Variants in OSBPL7 observed in about 807,000 individuals in gnomAD.
The protein encoded by OSBPL7 is oxysterol binding protein like 7.
OSBPL7 carries 66 observed loss-of-function variants against 115.8 expected under a neutral mutation model. The observed-to-expected ratio is 0.57, with a 90% confidence interval of 0.47 to 0.70. The LOEUF is 0.70. OSBPL7 is among the 30% of genes least tolerant of loss of function. OSBPL7 has a pLI of 0.00. For synonymous variants in OSBPL7, 441 were observed against 439.2 expected (o/e 1.00, Z -0.05); for missense variants, 902 against 1,125.5 (o/e 0.80, Z 2.84).
intron 16 of OSBPL7, 138 bp downstream of exon 16, chr17:47,813,128 C>CCGCAGAGCCCGG (rs1323034925): frequency 2.5e-6 from 3 of 1,202,854 alleles, no homozygotes; most frequent in African/African-American, 3.1e-5. Flanking sequence ...GCCAGGAGCA[C>CCGCAGAGCCCGG]CGCAGAGCCC....
rs201307628 is a variant in OSBPL7 at position 47,818,525 on chromosome 17, G to A, written c.461C>T (p.Pro154Leu). 80 of 1,608,108 alleles carry A rather than the reference G, an allele frequency of 5.0e-5. No individual in the cohort carries two copies. The African/African-American group carries it at 6.7e-4, about 13-fold the overall frequency. The change falls in exon 6 of 23, where the codon CCC becomes CTC. Residue 154 changes from proline (P) to leucine (L), a missense_variant. Coordinates refer to ENST00000007414, the MANE Select transcript of OSBPL7 (RefSeq NM_145798.3). ...HRLDMPRGSLPSTAHRKVPGA... is the reference protein window; with the variant it reads ...HRLDMPRGSLLSTAHRKVPGA... ...CCTTACCTTCCGGTGAGCAGTACTG[G>A]GCAGTGAGCCACGGGGCATGTCCAG...
At chr17:47,815,454 C>A in intron 12 of OSBPL7, 102 bp from the exon 13 acceptor site, 1 of 1,508,528 alleles carries the variant, frequency 6.6e-7, no homozygotes, top group South Asian at 1.2e-5. Context: ...GAGGCATAAC[C>A]GGGCACTTTT....
At chr17:47,819,911 T>TGG in intron 3 of OSBPL7, 60 bp downstream of exon 3, 1 of 1,557,720 alleles carries the variant, frequency 6.4e-7, no homozygotes, top group Non-Finnish European at 8.8e-7. Flanking sequence ...GCCCAGCAGC[T>TGG]GCCCCCCATT....
At chr17:47,818,687 G>T in intron 5 of OSBPL7, 71 bp from the exon 6 acceptor site, 1 of 1,287,762 alleles carries the variant, frequency 7.8e-7, no homozygotes, top group Non-Finnish European at 1.1e-6. Context: ...AGAAGTCAGG[G>T]CTCTGGTCCC....
Position 47,808,351 on chromosome 17 carries a change from G to C in OSBPL7, c.2469C>G (p.Thr823=), listed in dbSNP as rs771989351. The C allele has an allele frequency of 2.5e-6, 4 of 1,613,894 alleles. No homozygotes were observed. Among genetic ancestry groups the C allele is most frequent in the Non-Finnish European group, 3.4e-6 (4 of 1,179,980 alleles). The stretch of plus-strand genomic sequence containing the variant: ...CTGGCTCGGCCCGCAGCCTCCAGTA[G>C]GTATTGTTGGTCACCCACCACTCTT... ...SGKEWWVTNN[T]YWRLRAEPGY... The change falls in exon 23 of 23, where the codon ACC becomes ACG. Residue 823 remains threonine (T), a synonymous_variant. Coordinates refer to ENST00000007414, the MANE Select transcript of OSBPL7 (RefSeq NM_145798.3). This position sits in a 1 kb window ranked among gnomAD's most constrained non-coding sequence, Gnocchi z 6.1.
rs752937955 is a variant in OSBPL7 at position 47,813,333 on chromosome 17, T to G, written c.1670A>C (p.Asn557Thr). 1.2e-6 allele frequency: 2 copies of G among 1,613,926 alleles called. No homozygotes were observed. Among genetic ancestry groups the G allele is most frequent in the Admixed American group, 1.7e-5 (1 of 60,018 alleles). Residue 557 changes from asparagine to threonine, a missense_variant, in exon 16 of 23, where the codon AAC becomes ACC. Transcript: ENST00000007414. ...CTCGTAGGTCTCCCCCAGGACAGGG[T>G]TGAAGGGCTTGCAGCCGGCTCGGTG... ...TYHRAGCKPF[N>T]PVLGETYECE...
chr17:47,815,416 C>G, intron 12 of OSBPL7, 64 bp from the exon 13 acceptor site: 2 of 1,594,968 alleles, frequency 1.3e-6, no homozygotes, highest in South Asian at 2.2e-5. Flanking sequence ...AGCAGGGCAC[C>G]CGCTTGCCTG....
rs200129589 is a variant in OSBPL7, at chr17:47,817,292, G to A, written c.666C>T (p.His222=). The change falls in exon 8 of 23, where the codon CAC becomes CAT. Residue 222 remains histidine, a synonymous_variant. Transcript: ENST00000007414. The part of the protein sequence containing the change: ...HRLLQSLESL[H]RIPSAPVIPT... ...GGATAACAGGGGCTGAGGGGATTCG[G>A]TGCAGGGACTCCAGGCTCTGGAGGA... 208 of 1,603,036 alleles carry A rather than the reference G, an allele frequency of 1.3e-4. No individual in the cohort carries two copies. Among genetic ancestry groups the A allele is most frequent in the Non-Finnish European group, 1.7e-4 (202 of 1,177,362 alleles).
intron 16 of OSBPL7, among the ~76,000 whole-genome samples, 157 bp from the exon 17 acceptor site, chr17:47,810,992 A>G (rs2033023440): frequency 6.6e-6 from 1 of 151,452 alleles, no homozygotes; most frequent in African/African-American, 2.4e-5. Flanking sequence ...TAAACCCATC[A>G]TCCTCCCTTC....
chr17:47,810,542 C>T (rs1190245359), intron 18 of OSBPL7, 52 bp downstream of exon 18: 6 of 1,539,020 alleles, frequency 3.9e-6, no homozygotes, highest in Non-Finnish European at 5.4e-6. Context: ...CCCCTCCAGC[C>T]TGAAGGATTG....
intron 16 of OSBPL7, among the ~76,000 whole-genome samples, chr17:47,811,702 G>A (rs145304348): frequency 5.9e-5 from 9 of 152,304 alleles, no homozygotes; most frequent in South Asian, 2.1e-4. Context: ...TCAGGGGGGC[G>A]ATTCCTTCTG....
intron 18 of OSBPL7, among the ~76,000 whole-genome samples, 169 bp from the exon 19 acceptor site, chr17:47,809,647 T>C (rs1042748639): frequency 6.6e-6 from 1 of 152,152 alleles, no homozygotes; most frequent in Non-Finnish European, 1.5e-5. Flanking sequence ...AAGAGTGGCC[T>C]TCACAGAACG....
Position 47,813,320 on chromosome 17 carries a change from C to T in OSBPL7, c.1683G>A (p.Gly561=), listed in dbSNP as rs765547148. Residue 561 remains glycine, a synonymous_variant, in exon 16 of 23, where the codon GGG becomes GGA. Coordinates refer to ENST00000007414, the MANE Select transcript of OSBPL7 (RefSeq NM_145798.3). ...CAGGCCGCTCACACTCGTAGGTCTC[C>T]CCCAGGACAGGGTTGAAGGGCTTGC... ...AGCKPFNPVL[G]ETYECERPDR... is the part of the protein sequence containing the mutation. 1.2e-6 allele frequency: 2 copies of T among 1,613,972 alleles called. No individual in the cohort carries two copies. Among genetic ancestry groups the T allele is most frequent in the African/African-American group, 2.7e-5 (2 of 74,922 alleles).
At chr17:47,811,309 C>A (rs74886307) in intron 16 of OSBPL7, among the ~76,000 whole-genome samples, 52 of 151,442 alleles carry the variant, frequency 3.4e-4, no homozygotes, top group African/African-American at 1.2e-3. Context: ...GCCTTCAATT[C>A]CAACATCCCA....
chr17:47,816,872 C>T lies in OSBPL7; in HGVS notation c.703G>A (p.Ala235Thr), dbSNP rs373744154. 5.6e-6 allele frequency: 9 copies of T among 1,613,768 alleles called. No individual in the cohort carries two copies. Among genetic ancestry groups the T allele is most frequent in the African/African-American group, 2.7e-5 (2 of 74,892 alleles). The change falls in exon 9 of 23, where the codon GCC (alanine) becomes ACC (threonine). Residue 235 changes from alanine to threonine, a missense_variant and splice_region_variant. Ala to Thr is a moderately conservative substitution (Grantham distance 58). Around this residue, in one of 3 missense-constraint regions of OSBPL7, gnomAD observed 667 missense variants for 788.7 expected, o/e 0.85. Coordinates refer to ENST00000007414, the MANE Select transcript of OSBPL7 (RefSeq NM_145798.3). The surrounding 1 kb of genome is among the most constrained non-coding windows in gnomAD (Gnocchi z 5.8). ...PSAPVIPTHQ[A>T]SVTTERPKKG... ...TTGGGTCTTTCGGTTGTCACTGAGG[C>T]CTGGCAAGTCAAGGTGGGGGCAATT...
intron 4 of OSBPL7, 61 bp from the exon 5 acceptor site, chr17:47,819,160 G>A (rs1242061813): frequency 1.4e-6 from 2 of 1,407,274 alleles, no homozygotes; most frequent in Non-Finnish European, 2.0e-6. Flanking sequence ...GAGCCATAGA[G>A]CCACCATCTC....
intron 13 of OSBPL7, 170 bp downstream of exon 13, chr17:47,815,045 G>T: frequency 2.3e-6 from 2 of 872,694 alleles, no homozygotes; most frequent in Non-Finnish European, 3.4e-6. Flanking sequence ...GTCCCTAGCA[G>T]AGATTTCTGA....
rs1053798 is a variant in OSBPL7, at chr17:47,807,621, T to C, written c.*670A>G. The C allele has an allele frequency of 0.029, 4,506 of 153,216 alleles. 96 individuals carry two copies. The highest frequency in any genetic ancestry group is 0.042 in the Non-Finnish European group (2,906 of 68,714). The allele number at this position is 153,216 out of a possible 1,614,324, so 9.5% of individuals were successfully genotyped here. On this transcript the variant is annotated 3_prime_UTR_variant, in exon 23 of 23. Transcript: ENST00000007414. ...CAGGTGCCTTGGGCTGCTCCCCTCCTCATGGAGAGGCCTCCTCCACTCTGG... is the reference window on the plus strand; with the variant it reads ...CAGGTGCCTTGGGCTGCTCCCCTCCCCATGGAGAGGCCTCCTCCACTCTGG...
chr17:47,812,055 C>CAA (rs201553760), intron 16 of OSBPL7, among the ~76,000 whole-genome samples: 7 of 152,068 alleles, frequency 4.6e-5, no homozygotes. Flanking sequence ...AACAAACAAA[C>CAA]ACACAAACTG....
Sources: gnomAD v4.1 joint callset for allele counts (sites outside exome capture counted in the v4.1 genomes callset) on GRCh38, gnomAD v4.1.1 for gene constraint, gnomAD v4.1.1 regional missense constraint, Gnocchi (gnomAD v3.1) non-coding constraint, MANE v1.5 for transcripts, NCBI Gene and HGNC (gene_info 2026-07-23, HGNC 2026-07-21) for gene names.